Variants in MSTO1 observed in about 807,000 individuals in gnomAD.
MSTO1 encodes the protein misato mitochondrial distribution and morphology regulator 1.
A neutral mutation model predicts 55.7 loss-of-function variants in MSTO1; 24 were observed. That is an observed-to-expected ratio of 0.43 (90% CI 0.31 to 0.61). The LOEUF (loss-of-function observed/expected upper bound fraction) is 0.61. MSTO1 is among the 20% of genes least tolerant of loss of function. The pLI, the probability that MSTO1 is intolerant of heterozygous loss-of-function variation, is 0.09. For missense variants in MSTO1, 363 were observed against 625.7 expected, an observed-to-expected ratio of 0.58 and a Z score of 4.48; for synonymous variants, 162 against 252.8, an observed-to-expected ratio of 0.64 and a Z score of 3.41.
At chr1:155,581,070 T>G in the MSTO1 span, among the ~76,000 whole-genome samples, 9 of 152,270 alleles carry the variant, frequency 5.9e-5, no homozygotes, top group East Asian at 9.6e-4. Flanking sequence ...TTACATGCAT[T>G]TGGAAAAGCT....
At chr1:155,598,693 G>T in the MSTO1 span, 1 of 430,756 alleles carries the variant, frequency 2.3e-6, no homozygotes, top group South Asian at 2.5e-5. Flanking sequence ...CTGCTTTCCA[G>T]CCTGGAGAAC....
chr1:155,609,243 A>ATATATATTTTTTTTTT (rs59756178), upstream of MSTO1, among the ~76,000 whole-genome samples: 2 of 54,590 alleles, frequency 3.7e-5, no homozygotes, highest in Non-Finnish European at 6.0e-5. Flanking sequence ...ATATATATAT[A>ATATATATTTTTTTTTT]TTTTTTTTTT....
the MSTO1 span, among the ~76,000 whole-genome samples, chr1:155,578,336 CTTTTTTTTTTTT>C: frequency 1.0e-3 from 45 of 44,294 alleles, no homozygotes; most frequent in East Asian, 0.03. Flanking sequence ...AACTACCTTT[CTTTTTTTTTTTT>C]TTTTTTTTTT....
rs761715071 is a variant in MSTO1 at position 155,613,468 on chromosome 1, C to T, written c.1290C>T (p.Leu430=). 8.7e-6 allele frequency: 14 copies of T among 1,613,966 alleles called. No homozygotes were observed. Among genetic ancestry groups the T allele is most frequent in the Admixed American group, 1.7e-5 (1 of 59,988 alleles). Residue 430 remains leucine (L), a synonymous_variant, in exon 12 of 14, where the codon CTC becomes CTT. Transcript: ENST00000245564. The part of the protein sequence containing the change: ...GIDRACHTSQ[L]TPGTPPPSAL... The stretch of plus-strand genomic sequence containing the variant: ...TTTGGCTTTGTTCTGGCAGCCAGCT[C>T]ACCCCAGGGACACCTCCACCCTCTG...
rs753488873 is a variant in MSTO1, at chr1:155,612,209, G to C, written c.706G>C (p.Asp236His). 291 of 1,612,680 alleles carry C rather than the reference G, an allele frequency of 1.8e-4. No individual in the cohort carries two copies. Among genetic ancestry groups the C allele is most frequent in the Non-Finnish European group, 2.3e-4 (266 of 1,179,190 alleles). The change falls in exon 8 of 14, where the codon GAT becomes CAT. Residue 236 changes from aspartate (D) to histidine (H), a missense_variant. Coordinates refer to ENST00000245564, the MANE Select transcript of MSTO1 (RefSeq NM_018116.4). ...CTTCCAGATCCTGTGTGACCTGCAC[G>C]ATGGCTTCTCTGGGGTAGGCGCGAA... ...QGFQILCDLH[D>H]GFSGVGAKAA... is the part of the protein sequence containing the mutation.
chr1:155,586,517 T>G, the MSTO1 span: 1 of 181,614 alleles, frequency 5.5e-6, no homozygotes, highest in Admixed American at 5.9e-5. Context: ...TTGTTCTTTA[T>G]TAGGCTGTAG....
chr1:155,584,625 C>CTTGCCA, the MSTO1 span, among the ~76,000 whole-genome samples: 2 of 118,944 alleles, frequency 1.7e-5, no homozygotes, highest in Non-Finnish European at 3.2e-5. Context: ...GAGCTGTGAT[C>CTTGCCA]TTGCCATTGC....
At chr1:155,609,243 A>ATATATATATAT (rs59756178), upstream of MSTO1, among the ~76,000 whole-genome samples, 25 of 54,574 alleles carry the variant, frequency 4.6e-4, no homozygotes, top group East Asian at 5.6e-3. Context: ...ATATATATAT[A>ATATATATATAT]TTTTTTTTTT....
At chr1:155,565,306 AAAAAAG>A in the MSTO1 span, among the ~76,000 whole-genome samples, 1 of 151,922 alleles carries the variant, frequency 6.6e-6, no homozygotes, top group African/African-American at 2.4e-5. Flanking sequence ...AAAAAAAAAA[AAAAAAG>A]AAAAAGAAAA....
At chr1:155,572,910 A>C in the MSTO1 span, among the ~76,000 whole-genome samples, 1 of 152,072 alleles carries the variant, frequency 6.6e-6, no homozygotes, top group Non-Finnish European at 1.5e-5. Flanking sequence ...CTGGCCTCCC[A>C]AAGTGCTCAG....
Position 155,611,336 on chromosome 1 carries a change from G to A in MSTO1, c.366+45G>A, listed in dbSNP as rs201370874. The A allele has an allele frequency of 1.1e-4, 184 of 1,613,960 alleles. 2 individuals carry two copies. In the East Asian group the frequency reaches 3.5e-3, roughly 30 times the overall value. ...ACTTTTTAACCCGGTGCCACAACCC[G>A]AGGGTCTCCATAGGGGCAGGTAAAC... On this transcript the variant is annotated intron_variant, in intron 4 of 13. Coordinates refer to ENST00000245564, the MANE Select transcript of MSTO1 (RefSeq NM_018116.4).
At chr1:155,564,813 A>G in the MSTO1 span, among the ~76,000 whole-genome samples, 1 of 152,142 alleles carries the variant, frequency 6.6e-6, no homozygotes, top group African/African-American at 2.4e-5. Context: ...GGCTAGCGCA[A>G]AGCAAGTCAC....
chr1:155,578,581 G>T, the MSTO1 span, among the ~76,000 whole-genome samples: 1 of 146,806 alleles, frequency 6.8e-6, no homozygotes, highest in African/African-American at 2.5e-5. Context: ...CACAATCTCG[G>T]CTCACTGCAA....
At chr1:155,568,084 A>AT in the MSTO1 span, among the ~76,000 whole-genome samples, 2 of 148,690 alleles carry the variant, frequency 1.3e-5, no homozygotes, top group Non-Finnish European at 1.5e-5. Context: ...ATTTTATTTT[A>AT]TTTTATTTTT....
chr1:155,600,914 G>A, the MSTO1 span, among the ~76,000 whole-genome samples: 1 of 150,396 alleles, frequency 6.6e-6, no homozygotes, highest in Non-Finnish European at 1.5e-5. Context: ...CTGATCTCGT[G>A]ATGCGACCGC....
chr1:155,605,815 T>C (rs1672926007), upstream of MSTO1, among the ~76,000 whole-genome samples: 1 of 152,196 alleles, frequency 6.6e-6, no homozygotes, highest in African/African-American at 2.4e-5. Context: ...TCTAGGTCTA[T>C]ATAACTTGGC....
upstream of MSTO1, among the ~76,000 whole-genome samples, chr1:155,609,045 T>C (rs905915746): frequency 6.7e-6 from 1 of 150,306 alleles, no homozygotes; most frequent in African/African-American, 2.4e-5. Flanking sequence ...CAGGCTGGTC[T>C]CAACCTCCTG....
chr1:155,578,086 G>C, the MSTO1 span, among the ~76,000 whole-genome samples: 1 of 152,018 alleles, frequency 6.6e-6, no homozygotes, highest in East Asian at 1.9e-4. Context: ...GATTTTGATA[G>C]TAGCAATATT....
upstream of MSTO1, among the ~76,000 whole-genome samples, chr1:155,608,652 G>C (rs543398605): frequency 1.3e-5 from 2 of 151,356 alleles, no homozygotes; most frequent in Admixed American, 6.6e-5. Flanking sequence ...GGTCGCGCCC[G>C]TCACCACGCC....
Sources: gnomAD v4.1 joint callset for allele counts (sites outside exome capture counted in the v4.1 genomes callset) on GRCh38, gnomAD v4.1.1 for gene constraint, MANE v1.5 for transcripts, NCBI Gene and HGNC (gene_info 2026-07-23, HGNC 2026-07-21) for gene names.